The following TTC23 variants were observed in gnomAD, a reference collection of about 807,000 sequenced individuals.
TTC23 encodes tetratricopeptide repeat protein 23.
A neutral mutation model predicts 55.1 loss-of-function variants in TTC23; 58 were observed. The observed-to-expected ratio is 1.05, with a 90% CI of 0.85 to 1.31. TTC23 has a LOEUF of 1.31. Among genes scored for constraint, TTC23 ranks in the 50% most tolerant of loss-of-function variants. TTC23 has a pLI of 0.00. For synonymous variants in TTC23, 203 were observed against 199.9 expected, an observed-to-expected ratio of 1.02 and a Z score of -0.13; for missense variants, 516 against 534.4, an observed-to-expected ratio of 0.97 and a Z score of 0.34.
At chr15:99,172,559 T>G (rs2073086538) in intron 10 of TTC23, among the ~76,000 whole-genome samples, 1 of 152,198 alleles carries the variant, frequency 6.6e-6, no homozygotes, top group South Asian at 2.1e-4. Context: ...TCTGGGGTGG[T>G]TGGCTGCCTG....
At chr15:99,142,536 C>T (rs1162823875) in intron 12 of TTC23, among the ~76,000 whole-genome samples, 1 of 152,138 alleles carries the variant, frequency 6.6e-6, no homozygotes, top group Non-Finnish European at 1.5e-5. Flanking sequence ...TTTACTGACA[C>T]TGTAACAGTT....
Position 99,199,905 on chromosome 15 carries a change from A to AGGAAGTG in TTC23, c.759+13_759+14insCACTTCC. 6.2e-7 allele frequency: 1 copy of AGGAAGTG among 1,607,562 alleles called. No homozygotes were observed. The highest frequency in any genetic ancestry group is 8.5e-7 in the Non-Finnish European group (1 of 1,177,050). On this transcript the variant is annotated intron_variant, in intron 9 of 13. Transcript: ENST00000394132. The stretch of plus-strand genomic sequence containing the variant: ...GCCTAGAACAGCTTTGGTAGCCAGG[A>AGGAAGTG]CCTTGTAGCTTACCTGGAGGAAGTG...
chr15:99,223,158 CT>C (rs753694299), intron 5 of TTC23, among the ~76,000 whole-genome samples: 1 of 152,186 alleles, frequency 6.6e-6, no homozygotes, highest in Non-Finnish European at 1.5e-5. Flanking sequence ...AGGCCACAGT[CT>C]AAAGGAACTG....
chr15:99,231,863 G>A lies in TTC23; in HGVS notation c.-21+3125C>T, dbSNP rs2078962677. Among the ~76,000 whole-genome samples the A allele has an allele frequency of 3.3e-5, 5 of 151,472 alleles. No homozygotes were observed. The South Asian group carries it at 1.0e-3, about 32-fold the overall frequency. ...GCTGGAGTGCAATGGCTCTATCTTG[G>A]CTCACCGCAACCTCTACCCCCCAGG... is the stretch of plus-strand genomic sequence containing the variant. On this transcript the variant is annotated intron_variant, in intron 4 of 13. Transcript: ENST00000394132.
intron 6 of TTC23, among the ~76,000 whole-genome samples, chr15:99,220,396 G>A (rs1436798658): frequency 6.6e-6 from 1 of 152,206 alleles, no homozygotes; most frequent in Non-Finnish European, 1.5e-5. Flanking sequence ...GGCTGTATAA[G>A]AAAAGCATCG....
intron 12 of TTC23, among the ~76,000 whole-genome samples, chr15:99,152,433 G>T (rs554551600): frequency 5.1e-4 from 77 of 152,256 alleles, no homozygotes; most frequent in Middle Eastern, 3.4e-3. Flanking sequence ...CTGGAGTGCA[G>T]TGGCATGATC....
At chr15:99,206,369 G>C (rs1326768871) in intron 8 of TTC23, among the ~76,000 whole-genome samples, 1 of 152,122 alleles carries the variant, frequency 6.6e-6, no homozygotes, top group Non-Finnish European at 1.5e-5. Context: ...TTCTGAAACA[G>C]TTTATGTAGG....
intron 2 of TTC23, among the ~76,000 whole-genome samples, chr15:99,243,202 T>C (rs1042394824): frequency 6.6e-6 from 1 of 152,148 alleles, no homozygotes; most frequent in Non-Finnish European, 1.5e-5. Flanking sequence ...AAGATCTGAA[T>C]AGACATTTCT....
intron 9 of TTC23, among the ~76,000 whole-genome samples, chr15:99,182,460 T>A (rs1056546516): frequency 2.0e-4 from 31 of 152,226 alleles, no homozygotes; most frequent in African/African-American, 7.5e-4. Context: ...GTAAATTGTA[T>A]GTTCCTGTCT....
At chr15:99,240,722 C>A (rs1273289031) in intron 3 of TTC23, among the ~76,000 whole-genome samples, 1 of 152,206 alleles carries the variant, frequency 6.6e-6, no homozygotes, top group Non-Finnish European at 1.5e-5. Flanking sequence ...AAGTGAAAGG[C>A]CAACAGAGAA....
chr15:99,176,561 T>G (rs1168115582), intron 9 of TTC23, among the ~76,000 whole-genome samples: 2 of 151,926 alleles, frequency 1.3e-5, no homozygotes, highest in Non-Finnish European at 2.9e-5. Flanking sequence ...TGCAATGAGT[T>G]ATGATTATGC....
At chr15:99,152,144 T>C (rs551071234) in intron 12 of TTC23, among the ~76,000 whole-genome samples, 67 of 152,324 alleles carry the variant, frequency 4.4e-4, no homozygotes, top group Non-Finnish European at 8.7e-4. Context: ...TGAGTTCTCA[T>C]GAGATCTGGC....
chr15:99,172,981 G>A (rs1240319810), intron 10 of TTC23, among the ~76,000 whole-genome samples: 1 of 152,186 alleles, frequency 6.6e-6, no homozygotes, highest in Non-Finnish European at 1.5e-5. Context: ...GCATTCTAGG[G>A]CACAGATTCA....
At chr15:99,222,860 G>A (rs1197501908) in intron 5 of TTC23, among the ~76,000 whole-genome samples, 1 of 151,976 alleles carries the variant, frequency 6.6e-6, no homozygotes, top group African/African-American at 2.4e-5. Context: ...AGCCAGGCAT[G>A]GTGGCGGCCG....
intron 12 of TTC23, among the ~76,000 whole-genome samples, chr15:99,146,763 T>C (rs945541367): frequency 2.0e-5 from 3 of 151,864 alleles, no homozygotes; most frequent in Admixed American, 6.6e-5. Context: ...ATAGCAAACA[T>C]GGAGGGGCAC....
intron 10 of TTC23, among the ~76,000 whole-genome samples, chr15:99,163,016 G>A (rs2071582493): frequency 6.6e-6 from 1 of 152,144 alleles, no homozygotes; most frequent in Non-Finnish European, 1.5e-5. Flanking sequence ...CCAGGAGGTT[G>A]AGGCTTCAGT....
chr15:99,176,875 A>G (rs2073623078), intron 9 of TTC23, among the ~76,000 whole-genome samples: 1 of 152,180 alleles, frequency 6.6e-6, no homozygotes, highest in Non-Finnish European at 1.5e-5. Flanking sequence ...TGCTATCTCT[A>G]TCATGTCCTG....
intron 5 of TTC23, among the ~76,000 whole-genome samples, chr15:99,226,583 G>T (rs2078439149): frequency 6.6e-6 from 1 of 152,170 alleles, no homozygotes; most frequent in Non-Finnish European, 1.5e-5. Context: ...CTTGAAACCT[G>T]CAAGGCCCTA....
intron 4 of TTC23, among the ~76,000 whole-genome samples, chr15:99,231,118 G>A (rs1251601174): frequency 6.6e-6 from 1 of 152,088 alleles, no homozygotes; most frequent in Non-Finnish European, 1.5e-5. Context: ...TGGTAATGCT[G>A]GTGCAAACAA....
Sources: allele counts gnomAD v4.1 joint callset (sites outside exome capture counted in the v4.1 genomes callset), GRCh38; gene constraint gnomAD v4.1.1; transcripts MANE v1.5; gene names NCBI Gene and HGNC (gene_info 2026-07-23, HGNC 2026-07-21).